The following CDH23 variants were observed in gnomAD, a reference collection of about 807,000 sequenced individuals.
CDH23 encodes the protein cadherin-23.
CDH23 carries 189 observed loss-of-function variants against 317.1 expected under a neutral mutation model. The ratio of observed to expected loss-of-function variants is 0.60; its 90% CI spans 0.53 to 0.67. The LOEUF is 0.67. CDH23 is among the 30% of genes least tolerant of loss of function. The pLI is 0.00. For synonymous variants in CDH23, 1,839 were observed against 1,876.8 expected (o/e 0.98, Z 0.52); for missense variants, 4,401 against 4,592.4 (o/e 0.96, Z 1.20).
At chr10:71,665,625 G>C (rs1435753420) in intron 14 of CDH23, among the ~76,000 whole-genome samples, 2 of 152,124 alleles carry the variant, frequency 1.3e-5, no homozygotes, top group Non-Finnish European at 2.9e-5. Context: ...GTGTGGGCGA[G>C]GTGAGGAGGC....
intron 6 of CDH23, among the ~76,000 whole-genome samples, chr10:71,548,245 C>T (rs535245149): frequency 2.0e-5 from 3 of 152,068 alleles, no homozygotes; most frequent in South Asian, 2.1e-4. Flanking sequence ...CGCAGTCATG[C>T]GGGGTGGAGA....
In CDH23 at chr10:71,571,030, G is replaced by A. The variant is rs541542324; in HGVS notation, c.753+112G>A. On this transcript the variant is annotated intron_variant, in intron 8 of 69. Transcript: ENST00000224721. ...GGCTGGGCTCCTCCTTGGCTCCTCC[G>A]CAGTCCCTGTGCGTGGCAGTGATGA... 67 of 1,220,798 alleles carry A rather than the reference G, an allele frequency of 5.5e-5. 1 individual carries two copies. The highest frequency in any genetic ancestry group is 4.1e-4 in the Admixed American group (19 of 46,812). 75.6% of individuals were successfully genotyped at this position (1,220,798 alleles called of 1,614,324 possible). A position where few individuals can be genotyped will look rare whatever the true frequency, so the allele number is the denominator to read the frequency against.
Position 71,566,631 on chromosome 10 carries a change from C to T in CDH23, c.430-111C>T, listed in dbSNP as rs150846029. ...TCCTAGAATGAAAATGACAAGGCCT[C>T]GGGTCTGGTTGGCTGAAGGATGTAG... On this transcript the variant is annotated intron_variant, in intron 6 of 69. Transcript: ENST00000224721. 543 of 939,666 alleles carry T rather than the reference C, an allele frequency of 5.8e-4. 7 individuals are homozygous for T. The East Asian group carries it at 0.015, about 26-fold the overall frequency. The allele number at this position is 939,666 out of a possible 1,614,324, so 58.2% of individuals were successfully genotyped here. A position where few individuals can be genotyped will look rare whatever the true frequency, so the allele number is the denominator to read the frequency against.
Position 71,570,936 on chromosome 10 carries a change from TCCTTC to T in CDH23, c.753+19_753+23del. The T allele has an allele frequency of 1.9e-6, 3 of 1,612,684 alleles. No individual in the cohort carries two copies. Among genetic ancestry groups the T allele is most frequent in the Non-Finnish European group, 2.5e-6 (3 of 1,179,276 alleles). On this transcript the variant is annotated intron_variant, in intron 8 of 69. Transcript: ENST00000224721. ...CTCCTCCGGTAAGACTCCTGGCCCT[TCCTTC>T]TCAGAAGTCCCTTCTCAGAGGGACT...
At chr10:71,713,081 C>A (rs531282921) in intron 28 of CDH23, 3 of 753,612 alleles carry the variant, frequency 4.0e-6, no homozygotes, top group Non-Finnish European at 7.4e-6. Context: ...GCATATCTCC[C>A]GCCCCACCCA....
intron 3 of CDH23, among the ~76,000 whole-genome samples, chr10:71,458,035 G>T (rs1412158274): frequency 6.6e-6 from 1 of 152,184 alleles, no homozygotes; most frequent in Non-Finnish European, 1.5e-5. Flanking sequence ...AGAACACTTG[G>T]ACTCCCTAGT....
intron 3 of CDH23, among the ~76,000 whole-genome samples, chr10:71,492,369 TAGG>T (rs1852711017): frequency 6.6e-6 from 1 of 152,186 alleles, no homozygotes; most frequent in African/African-American, 2.4e-5. Context: ...CTGAGGACTC[TAGG>T]AGTTTTCCCT....
intron 68 of CDH23, among the ~76,000 whole-genome samples, 164 bp from the exon 69 acceptor site, chr10:71,813,080 C>T (rs1285799463): frequency 6.6e-6 from 1 of 152,190 alleles, no homozygotes; most frequent in Non-Finnish European, 1.5e-5. Context: ...AGTGAGTCCA[C>T]CTGTGTCCAG....
intron 3 of CDH23, among the ~76,000 whole-genome samples, 167 bp downstream of exon 3, chr10:71,446,562 G>T (rs575030372): frequency 6.6e-6 from 1 of 152,184 alleles, no homozygotes; most frequent in Non-Finnish European, 1.5e-5. Context: ...AGGGCACTCA[G>T]TCCCACAGAG....
chr10:71,437,052 G>C (rs1204966850), intron 1 of CDH23, among the ~76,000 whole-genome samples: 1 of 152,194 alleles, frequency 6.6e-6, no homozygotes, highest in Non-Finnish European at 1.5e-5. Context: ...TAGTAGTTAG[G>C]GAAATGCAAA....
intron 54 of CDH23, 49 bp from the exon 55 acceptor site, chr10:71,803,160 C>A: frequency 6.2e-7 from 1 of 1,604,416 alleles, no homozygotes. Flanking sequence ...TAGAGGGAAG[C>A]GTGGGAAGGA....
At chr10:71,691,178 G>A (rs1228729169) in intron 20 of CDH23, among the ~76,000 whole-genome samples, 4 of 152,112 alleles carry the variant, frequency 2.6e-5, no homozygotes, top group African/African-American at 7.2e-5. Flanking sequence ...TTTCTTCTTC[G>A]TCTCTCCATG....
intron 9 of CDH23, among the ~76,000 whole-genome samples, chr10:71,586,602 C>T (rs915108134): frequency 1.1e-4 from 17 of 152,062 alleles, no homozygotes; most frequent in African/African-American, 3.9e-4. Flanking sequence ...TCATACCTTA[C>T]CCACACCTTA....
At chr10:71,623,107 T>G (rs1354607874) in intron 11 of CDH23, among the ~76,000 whole-genome samples, 1 of 152,196 alleles carries the variant, frequency 6.6e-6, no homozygotes, top group Non-Finnish European at 1.5e-5. Flanking sequence ...AGAGCTTATA[T>G]TTCCTTCCAG....
At chr10:71,412,053 C>T (rs1848365800) in intron 1 of CDH23, among the ~76,000 whole-genome samples, 1 of 152,176 alleles carries the variant, frequency 6.6e-6, no homozygotes, top group Non-Finnish European at 1.5e-5. Flanking sequence ...TGAGTGGAAT[C>T]ATACAATATT....
chr10:71,471,449 A>T (rs1851503266), intron 3 of CDH23, among the ~76,000 whole-genome samples: 1 of 151,470 alleles, frequency 6.6e-6, no homozygotes, highest in African/African-American at 2.4e-5. Flanking sequence ...CTCAGCAGTG[A>T]TGCTTCCCAG....
chr10:71,735,760 G>A lies in CDH23; in HGVS notation c.4209+1102G>A, dbSNP rs12265843. The stretch of plus-strand genomic sequence containing the variant: ...AGTTCTAGCGGCACTGGTTGTGGCT[G>A]GGCCATACCTAAAGGCCCCCTCCAT... On this transcript the variant is annotated intron_variant, in intron 34 of 69. Transcript: ENST00000224721. Among the ~76,000 whole-genome samples the A allele has an allele frequency of 5.4e-3, 821 of 152,322 alleles. 5 individuals are homozygous for A. The highest frequency in any genetic ancestry group is 0.019 in the African/African-American group (792 of 41,566).
rs1448474027 is a variant in CDH23, at chr10:71,806,185, C to A, written c.8082C>A (p.Ser2694Arg). Residue 2694 changes from serine to arginine, a missense_variant, in exon 57 of 70, where the codon AGC becomes AGA. Ser to Arg is a moderately radical substitution (Grantham distance 110). This residue lies in a region of CDH23 where 1,144 missense variants were observed against 1,138.2 expected (regional missense o/e 1.01). Transcript: ENST00000224721. ...QAVYSLILVASDLGQPVPYET... is the reference protein window; with the variant it reads ...QAVYSLILVARDLGQPVPYET... ...GCTCCTAGCTCATCTTGGTGGCCAG[C>A]GACCTGGGCCAGCCAGTGCCATACG... The A allele has an allele frequency of 6.4e-7, 1 of 1,564,882 alleles. No homozygotes were observed. Among genetic ancestry groups the A allele is most frequent in the South Asian group, 1.2e-5 (1 of 85,016 alleles).
chr10:71,627,296 T>C (rs1231881472), intron 11 of CDH23, among the ~76,000 whole-genome samples: 1 of 152,182 alleles, frequency 6.6e-6, no homozygotes, highest in Non-Finnish European at 1.5e-5. Context: ...GAAGAGAAGC[T>C]AGAGGGAGCG....
Sources: gnomAD v4.1 joint callset for allele counts (sites outside exome capture counted in the v4.1 genomes callset) on GRCh38, gnomAD v4.1.1 for gene constraint, gnomAD v4.1.1 regional missense constraint, MANE v1.5 for transcripts, NCBI Gene and HGNC (gene_info 2026-07-23, HGNC 2026-07-21) for gene names.